The following ERC2 variants were observed in gnomAD, a reference collection of about 807,000 sequenced individuals.
ERC2 encodes the protein ERC protein 2.
ERC2 carries 42 observed loss-of-function variants against 114.8 expected under a neutral mutation model. The observed-to-expected ratio is 0.37, with a 90% CI of 0.29 to 0.47. The LOEUF is 0.47. Ranked by LOEUF, ERC2 falls within the 20% of genes least tolerant of loss-of-function variation. The pLI is 0.99. For missense variants in ERC2, 939 were observed against 1,150.7 expected, an observed-to-expected ratio of 0.82 and a Z score of 2.66; for synonymous variants, 454 against 425.5, an observed-to-expected ratio of 1.07 and a Z score of -0.82.
intron 6 of ERC2, among the ~76,000 whole-genome samples, chr3:56,098,157 G>C (rs2078164480): frequency 6.6e-6 from 1 of 152,176 alleles, no homozygotes; most frequent in Non-Finnish European, 1.5e-5. Context: ...TAAACCAAAT[G>C]CATCAAGCAG....
At chr3:56,285,492 A>G (rs1390208448) in intron 3 of ERC2, among the ~76,000 whole-genome samples, 2 of 152,136 alleles carry the variant, frequency 1.3e-5, no homozygotes, top group Non-Finnish European at 2.9e-5. Context: ...TCCCTGGGCT[A>G]CACCAAGCCA....
chr3:55,671,866 G>C (rs1321709647), intron 17 of ERC2, among the ~76,000 whole-genome samples: 1 of 152,170 alleles, frequency 6.6e-6, no homozygotes, highest in Non-Finnish European at 1.5e-5. Context: ...ATGAGGGTGT[G>C]AGAAGAAAAG....
chr3:56,337,118 GC>G (rs1239754006), intron 2 of ERC2, among the ~76,000 whole-genome samples: 2 of 152,128 alleles, frequency 1.3e-5, no homozygotes, highest in Non-Finnish European at 2.9e-5. Context: ...CTAAGTCTGG[GC>G]CCTAGTGATG....
intron 3 of ERC2, among the ~76,000 whole-genome samples, chr3:56,206,238 C>T (rs1032156267): frequency 1.3e-5 from 2 of 151,888 alleles, no homozygotes; most frequent in African/African-American, 4.8e-5. Context: ...CACACCAAGC[C>T]AGGGTTTGAA....
At chr3:56,109,939 C>T (rs1000713073) in intron 6 of ERC2, among the ~76,000 whole-genome samples, 3 of 152,104 alleles carry the variant, frequency 2.0e-5, no homozygotes, top group Non-Finnish European at 4.4e-5. Context: ...AACCTCATGA[C>T]AACTCACAAA....
intron 2 of ERC2, among the ~76,000 whole-genome samples, chr3:56,341,497 GGTTT>G (rs979148507): frequency 6.6e-6 from 1 of 152,050 alleles, no homozygotes; most frequent in African/African-American, 2.4e-5. Flanking sequence ...TGGGATGAAA[GGTTT>G]ATTTGTCCCC....
In ERC2 at chr3:55,802,303, C is replaced by T. The variant is rs73831513; in HGVS notation, c.2565-67385G>A. Among the ~76,000 whole-genome samples the T allele has an allele frequency of 4.8e-3, 735 of 152,240 alleles. 4 individuals carry two copies. The highest frequency in any genetic ancestry group is 0.017 in the African/African-American group (709 of 41,520). The stretch of plus-strand genomic sequence containing the variant: ...TGCCAGGGTACTGTGCTTGCTCACG[C>T]ATTATGTATTGAATAGGTCATAAAT... On this transcript the variant is annotated intron_variant, in intron 14 of 17. Coordinates refer to ENST00000288221, the MANE Select transcript of ERC2 (RefSeq NM_015576.3).
chr3:55,618,474 T>C (rs1176837773), intron 17 of ERC2, among the ~76,000 whole-genome samples: 1 of 152,256 alleles, frequency 6.6e-6, no homozygotes, highest in East Asian at 1.9e-4. Context: ...AGTTCACCAT[T>C]AATAACTGGC....
chr3:55,986,887 C>A (rs1465119710), intron 11 of ERC2, among the ~76,000 whole-genome samples: 1 of 151,986 alleles, frequency 6.6e-6, no homozygotes, highest in Non-Finnish European at 1.5e-5. Context: ...TTTTGTTGAT[C>A]TGTAAAATGC....
intron 14 of ERC2, among the ~76,000 whole-genome samples, chr3:55,844,391 C>T (rs1007862829): frequency 6.6e-6 from 1 of 152,174 alleles, no homozygotes; most frequent in Non-Finnish European, 1.5e-5. Flanking sequence ...GAAGTACACA[C>T]AACCAGATGG....
chr3:55,544,584 T>G (rs148358249), intron 17 of ERC2, among the ~76,000 whole-genome samples: 1 of 152,320 alleles, frequency 6.6e-6, no homozygotes, highest in Non-Finnish European at 1.5e-5. Flanking sequence ...CCAGAGTCAC[T>G]TAGGATAAAT....
chr3:56,407,516 TC>T (rs2060775042), intron 2 of ERC2, among the ~76,000 whole-genome samples: 1 of 152,162 alleles, frequency 6.6e-6, no homozygotes, highest in African/African-American at 2.4e-5. Context: ...AGAAACCTAT[TC>T]TTTTGACCAA....
At chr3:56,186,251 C>T (rs1209795397) in intron 3 of ERC2, among the ~76,000 whole-genome samples, 3 of 151,074 alleles carry the variant, frequency 2.0e-5, no homozygotes, top group African/African-American at 4.9e-5. Flanking sequence ...GCTAATAAAT[C>T]TGTGTTGTTT....
At chr3:56,014,542 G>A (rs2073175802) in intron 8 of ERC2, among the ~76,000 whole-genome samples, 1 of 152,108 alleles carries the variant, frequency 6.6e-6, no homozygotes, top group African/African-American at 2.4e-5. Flanking sequence ...AGTAAAGACA[G>A]TCCAAGGGGC....
rs562578180 is a variant in ERC2, at chr3:56,142,200, A to T, written c.1306-2524T>A. ...TTTTTTGTTTCATCTAAATTTTCAC[A>T]CTTATTTGCAGGAAACGTCTAAAAA... On this transcript the variant is annotated intron_variant, in intron 5 of 17. Transcript: ENST00000288221. Among the ~76,000 whole-genome samples, 3 of 152,216 alleles carry T rather than the reference A, an allele frequency of 2.0e-5. No individual in the cohort carries two copies. The South Asian group carries it at 6.2e-4, about 32-fold the overall frequency.
intron 6 of ERC2, among the ~76,000 whole-genome samples, chr3:56,098,978 T>A (rs537580476): frequency 4.1e-4 from 62 of 152,350 alleles, no homozygotes; most frequent in African/African-American, 1.4e-3. Flanking sequence ...TTCCAGAACC[T>A]GTGAATGTGA....
rs2072838756 is a variant in ERC2 at position 56,010,534 on chromosome 3, A to G, written c.1835T>C (p.Leu612Pro). ...TTTTCGGAAGGATTCTATCTCTTCT[A>G]GTCTTTCCCGATCATCTCTTTCTCG... ...EQRERDDRER[L>P]EEIESFRKEN... Residue 612 changes from leucine (L) to proline (P), a missense_variant, in exon 9 of 18, where the codon CTA becomes CCA. Around this residue, in one of 5 missense-constraint regions of ERC2, gnomAD observed 149 missense variants for 254.6 expected, o/e 0.59. Transcript: ENST00000288221. 1 of 1,613,676 alleles carries G rather than the reference A, an allele frequency of 6.2e-7. No individual in the cohort carries two copies.
intron 14 of ERC2, among the ~76,000 whole-genome samples, chr3:55,747,555 T>C (rs1478716552): frequency 6.6e-6 from 1 of 152,228 alleles, no homozygotes; most frequent in African/African-American, 2.4e-5. Context: ...AGACAAAATT[T>C]ATAATAGTTC....
intron 17 of ERC2, among the ~76,000 whole-genome samples, chr3:55,599,714 G>A (rs7627969): frequency 0.31 from 46,447 of 152,046 alleles, 7,653 homozygotes; most frequent in Non-Finnish European, 0.38. Flanking sequence ...TTCTCAGTTG[G>A]AATATTCATG....
Sources: gnomAD v4.1 joint callset for allele counts (sites outside exome capture counted in the v4.1 genomes callset) on GRCh38, gnomAD v4.1.1 for gene constraint, gnomAD v4.1.1 regional missense constraint, MANE v1.5 for transcripts, NCBI Gene and HGNC (gene_info 2026-07-23, HGNC 2026-07-21) for gene names.